Variants in NRCAM observed in about 807,000 individuals in gnomAD.
NRCAM encodes neuronal cell adhesion molecule.
NRCAM carries 83 observed loss-of-function variants against 156.5 expected under a neutral mutation model. The observed-to-expected ratio is 0.53, with a 90% CI of 0.44 to 0.64. The LOEUF (loss-of-function observed/expected upper bound fraction) is 0.64, where lower values mean the gene tolerates loss of function less well. NRCAM is among the 30% of genes least tolerant of loss of function. The probability of loss-of-function intolerance (pLI) is 0.00; values close to 1 mark genes in which losing one functional copy is unlikely to be tolerated. For missense variants in NRCAM, 1,417 were observed against 1,597.3 expected (o/e 0.89, Z 1.92); for synonymous variants, 538 against 563.9 (o/e 0.95, Z 0.65).
intron 29 of NRCAM, among the ~76,000 whole-genome samples, chr7:108,167,650 G>A (rs920865701): frequency 6.6e-6 from 1 of 152,140 alleles, no homozygotes; most frequent in African/African-American, 2.4e-5. Context: ...ACATTTATTG[G>A]CCACCTCATT....
At chr7:108,332,931 G>C (rs975313290) in intron 2 of NRCAM, among the ~76,000 whole-genome samples, 2 of 151,946 alleles carry the variant, frequency 1.3e-5, no homozygotes, top group African/African-American at 4.8e-5. Context: ...AATAAGAAGA[G>C]AAAAAAAGGA....
Position 108,147,880 on chromosome 7 carries a change from G to GA in NRCAM, c.*2029dup, listed in dbSNP as rs1178276087. On this transcript the variant is annotated 3_prime_UTR_variant, in exon 33 of 33. Transcript: ENST00000379028. ...TTTCGCATCTACCAGTATGGAAGAGGAAAAAATGTAGTTTTATTGTTCTCC... is the reference window on the plus strand; with the variant it reads ...TTTCGCATCTACCAGTATGGAAGAGGAAAAAAATGTAGTTTTATTGTTCTCC... 18 of 152,582 alleles carry GA rather than the reference G, an allele frequency of 1.2e-4. No individual in the cohort carries two copies. Among genetic ancestry groups the GA allele is most frequent in the Admixed American group, 3.9e-4 (6 of 15,282 alleles). The allele number at this position is 152,582 out of a possible 1,614,324, so 9.5% of individuals were successfully genotyped here. A position where few individuals can be genotyped will look rare whatever the true frequency, so the allele number is the denominator to read the frequency against.
chr7:108,192,357 T>G (rs549739104), intron 17 of NRCAM, among the ~76,000 whole-genome samples: 1 of 152,332 alleles, frequency 6.6e-6, no homozygotes, highest in South Asian at 2.1e-4. Flanking sequence ...TAATGCCTGA[T>G]GATCTGTCAC....
chr7:108,254,555 T>A (rs75989953), intron 3 of NRCAM, among the ~76,000 whole-genome samples: 1 of 137,172 alleles, frequency 7.3e-6, no homozygotes. Context: ...ATTTTGCTTT[T>A]TTTTTTTTTT....
At chr7:108,217,206 A>C (rs1309091486) in intron 11 of NRCAM, among the ~76,000 whole-genome samples, 2 of 152,198 alleles carry the variant, frequency 1.3e-5, no homozygotes, top group Non-Finnish European at 2.9e-5. Flanking sequence ...AGTTTGCTGG[A>C]GGTCCACTCC....
chr7:108,316,919 T>C (rs2098933064), intron 2 of NRCAM, among the ~76,000 whole-genome samples: 1 of 152,208 alleles, frequency 6.6e-6, no homozygotes, highest in Non-Finnish European at 1.5e-5. Flanking sequence ...CCAGGGTCTG[T>C]ATTTCCAGTT....
intron 3 of NRCAM, among the ~76,000 whole-genome samples, chr7:108,278,784 G>C (rs902093483): frequency 6.6e-6 from 1 of 152,238 alleles, no homozygotes; most frequent in Non-Finnish European, 1.5e-5. Context: ...ACCAGTCCCA[G>C]TGAGATGAAC....
At chr7:108,334,552 G>T (rs2099159628) in intron 2 of NRCAM, among the ~76,000 whole-genome samples, 1 of 152,162 alleles carries the variant, frequency 6.6e-6, no homozygotes, top group South Asian at 2.1e-4. Context: ...CTTTGAATGT[G>T]TTCCTCACTC....
At chr7:108,337,358 C>T (rs1319570613) in intron 2 of NRCAM, among the ~76,000 whole-genome samples, 1 of 152,064 alleles carries the variant, frequency 6.6e-6, no homozygotes, top group Non-Finnish European at 1.5e-5. Flanking sequence ...CAACTGCACA[C>T]TCTTCTGGTC....
At chr7:108,422,794 T>A (rs2300045) in intron 1 of NRCAM, among the ~76,000 whole-genome samples, 1 of 151,902 alleles carries the variant, frequency 6.6e-6, no homozygotes, top group African/African-American at 2.4e-5. Flanking sequence ...CCAGAGAAGA[T>A]AATCTGAATA....
At chr7:108,244,128 GA>G (rs544264583) in intron 3 of NRCAM, among the ~76,000 whole-genome samples, 1 of 151,956 alleles carries the variant, frequency 6.6e-6, no homozygotes, top group African/African-American at 2.4e-5. Flanking sequence ...TTATTTTAAT[GA>G]AAAAAATCAG....
At chr7:108,229,982 T>C (rs529665761) in intron 8 of NRCAM, among the ~76,000 whole-genome samples, 4 of 152,274 alleles carry the variant, frequency 2.6e-5, no homozygotes, top group East Asian at 3.9e-4. Context: ...ACATGCCTCA[T>C]AGGGTTGTTG....
Position 108,246,521 on chromosome 7 carries a change from A to C in NRCAM, c.-106-6351T>G, listed in dbSNP as rs112997648. On this transcript the variant is annotated intron_variant, in intron 3 of 32. Transcript: ENST00000379028. ...GCAGTAGGAGCAAGCATGAGTAAGC[A>C]AAAGATATGAGGCATCCAGTGCAGA... Among the ~76,000 whole-genome samples the C allele has an allele frequency of 7.3e-3, 1,106 of 152,296 alleles. 22 individuals carry two copies. Among genetic ancestry groups the C allele is most frequent in the African/African-American group, 0.025 (1,046 of 41,554 alleles).
At chr7:108,198,642 T>C (rs1208723090) in intron 13 of NRCAM, among the ~76,000 whole-genome samples, 1 of 152,176 alleles carries the variant, frequency 6.6e-6, no homozygotes, top group Non-Finnish European at 1.5e-5. Flanking sequence ...GTAAAAAATA[T>C]AGAAACACTC....
At chr7:108,205,920 T>C (rs2080914270) in intron 13 of NRCAM, among the ~76,000 whole-genome samples, 1 of 152,224 alleles carries the variant, frequency 6.6e-6, no homozygotes, top group African/African-American at 2.4e-5. Flanking sequence ...TTCTACTTTT[T>C]CCTCTCAGTT....
chr7:108,367,724 CAT>C (rs1277563747), intron 2 of NRCAM, among the ~76,000 whole-genome samples: 2 of 152,092 alleles, frequency 1.3e-5, no homozygotes, highest in Admixed American at 6.5e-5. Context: ...AAAGAAAAAT[CAT>C]ATGTTGTAAG....
chr7:108,437,935 C>T (rs1834129752), intron 1 of NRCAM, among the ~76,000 whole-genome samples: 1 of 150,302 alleles, frequency 6.7e-6, no homozygotes, highest in Non-Finnish European at 1.5e-5. Context: ...ATGACTAGAG[C>T]AACCATTCAA....
intron 2 of NRCAM, among the ~76,000 whole-genome samples, chr7:108,325,538 C>T (rs2099058997): frequency 6.6e-6 from 1 of 151,896 alleles, no homozygotes; most frequent in Non-Finnish European, 1.5e-5. Flanking sequence ...TCTTGTATGT[C>T]ATCTCTATGG....
chr7:108,420,265 T>C (rs1807642672), intron 1 of NRCAM, among the ~76,000 whole-genome samples: 1 of 152,104 alleles, frequency 6.6e-6, no homozygotes, highest in South Asian at 2.1e-4. Flanking sequence ...AGATTCTGCT[T>C]TTCAGACACA....
Sources: allele counts gnomAD v4.1 joint callset (sites outside exome capture counted in the v4.1 genomes callset), GRCh38; gene constraint gnomAD v4.1.1; transcripts MANE v1.5; gene names NCBI Gene and HGNC (gene_info 2026-07-23, HGNC 2026-07-21).